Variants in EPC1 observed in about 807,000 individuals in gnomAD.
EPC1 encodes the protein enhancer of polycomb homolog 1.
EPC1 carries 12 observed loss-of-function variants against 98.4 expected under a neutral mutation model. The ratio of observed to expected loss-of-function variants is 0.12; its 90% CI spans 0.08 to 0.20. EPC1 has a LOEUF of 0.20. Ranked by LOEUF, EPC1 falls within the 10% of genes least tolerant of loss-of-function variation. The pLI, the probability that EPC1 is intolerant of heterozygous loss-of-function variation, is 1.00. For missense variants in EPC1, 729 were observed against 990.5 expected (o/e 0.74, Z 3.54); for synonymous variants, 357 against 363.9 (o/e 0.98, Z 0.21).
intron 1 of EPC1, among the ~76,000 whole-genome samples, chr10:32,323,257 T>TC (rs911037932): frequency 2.4e-4 from 36 of 151,896 alleles, no homozygotes; most frequent in African/African-American, 8.0e-4. Context: ...AACCACAAAA[T>TC]CCCCCCCAGT....
chr10:32,345,037 A>G, intron 1 of EPC1: 1 of 644,326 alleles, frequency 1.6e-6, no homozygotes. Flanking sequence ...AGGGCAGGGT[A>G]AAACCAACAC....
At chr10:32,350,597 C>T, upstream of EPC1, among the ~76,000 whole-genome samples, 2 of 152,236 alleles carry the variant, frequency 1.3e-5, no homozygotes, top group East Asian at 3.9e-4. Context: ...GAGACTCCAA[C>T]AACAAGCCAA....
chr10:32,354,008 A>G (rs1341064811), intron 1 of EPC1, among the ~76,000 whole-genome samples: 2 of 152,326 alleles, frequency 1.3e-5, no homozygotes, highest in Middle Eastern at 3.4e-3. Flanking sequence ...GCCTTTCAAT[A>G]TATTTACTAA....
At position 32,318,294 on chromosome 10, in the gene EPC1, T is replaced by C. The variant is rs188473666; in HGVS notation, c.154-12363A>G. On this transcript the variant is annotated intron_variant, in intron 1 of 13. Transcript: ENST00000319778. ...AGCCCCGAGAGCAGTAAAATACAGA[T>C]ACAAATGTGTCTGTTTTTTTCTAAA... 2.2e-3 allele frequency among the ~76,000 whole-genome samples: 329 copies of C among 152,326 alleles called. 2 individuals carry two copies. Among genetic ancestry groups the C allele is most frequent in the African/African-American group, 7.6e-3 (316 of 41,576 alleles).
chr10:32,288,733 G>A (rs568276232), intron 6 of EPC1, among the ~76,000 whole-genome samples: 3 of 152,002 alleles, frequency 2.0e-5, no homozygotes, highest in African/African-American at 7.2e-5. Flanking sequence ...ATAACTGAAG[G>A]ATAACACTAA....
chr10:32,293,745 A>G lies in EPC1; in HGVS notation c.314-8T>C. The G allele has an allele frequency of 1.2e-6, 2 of 1,608,750 alleles. No homozygotes were observed. Among genetic ancestry groups the G allele is most frequent in the Non-Finnish European group, 1.7e-6 (2 of 1,177,220 alleles). ...CAGCATCCAAACTAAAAGCTGACAG[A>G]AGGAACCATATGCAATCATTTACTG... On this transcript the variant is annotated splice_polypyrimidine_tract_variant and splice_region_variant and intron_variant, in intron 2 of 13. Coordinates refer to ENST00000319778, the MANE Select transcript of EPC1 (RefSeq NM_001272004.3).
At position 32,287,180 on chromosome 10, in the gene EPC1, CTCG is replaced by C; in HGVS notation, c.1067_1069del (p.Thr356del). ...ATTGAAGACTGGCAGTGCAGCAGGA[CTCG>C]TCTGTTGGGGAGTAGCAGCGGCAGA... On this transcript the variant is annotated inframe_deletion, in exon 7 of 14. Coordinates refer to ENST00000319778, the MANE Select transcript of EPC1 (RefSeq NM_001272004.3). 2 of 1,614,150 alleles carry C rather than the reference CTCG, an allele frequency of 1.2e-6. No individual in the cohort carries two copies. The highest frequency in any genetic ancestry group is 1.7e-6 in the Non-Finnish European group (2 of 1,180,038).
intron 10 of EPC1, chr10:32,282,606 CA>C (rs753507036): frequency 6.6e-6 from 1 of 152,168 alleles, no homozygotes; most frequent in Non-Finnish European, 1.5e-5. Context: ...GATTTCTTTT[CA>C]GCTAAGCTTT....
chr10:32,361,673 C>G (rs1458700326), intron 1 of EPC1, among the ~76,000 whole-genome samples: 1 of 152,176 alleles, frequency 6.6e-6, no homozygotes. Flanking sequence ...AGCTTCAGAG[C>G]GAAACTCTCA....
chr10:32,377,211 G>C (rs1839888074), intron 1 of EPC1: 1 of 152,116 alleles, frequency 6.6e-6, no homozygotes, highest in South Asian at 2.1e-4. Context: ...TAATTCAGTT[G>C]AAGTATCATT....
At chr10:32,285,895 C>T (rs1172431847) in intron 9 of EPC1, 1 of 151,978 alleles carries the variant, frequency 6.6e-6, no homozygotes, top group African/African-American at 2.4e-5. Flanking sequence ...CTCCTGATGT[C>T]AGCAGTGATG....
chr10:32,288,499 G>A (rs1231307878), intron 6 of EPC1, among the ~76,000 whole-genome samples: 1 of 151,612 alleles, frequency 6.6e-6, no homozygotes, highest in Non-Finnish European at 1.5e-5. Context: ...CCCATTTACA[G>A]CAATTTGCGC....
chr10:32,284,791 T>C lies in EPC1; in HGVS notation c.1651A>G (p.Arg551Gly), dbSNP rs536902970. The C allele has an allele frequency of 2.5e-6, 4 of 1,614,212 alleles. No individual in the cohort carries two copies. In the African/African-American group the frequency reaches 4.0e-5, roughly 16 times the overall value. Residue 551 changes from arginine to glycine, a missense_variant, in exon 10 of 14, where the codon AGG becomes GGG. Coordinates refer to ENST00000319778, the MANE Select transcript of EPC1 (RefSeq NM_001272004.3). ...GCTGTTCCTGTTCGGTTTATACTCC[T>C]ATATAATTTTCTACAGGAGAGTTCA... ...NDELSCRKLY[R>G]SINRTGTAQP...
At chr10:32,297,606 C>T (rs762544604) in intron 2 of EPC1, among the ~76,000 whole-genome samples, 32 of 151,798 alleles carry the variant, frequency 2.1e-4, no homozygotes, top group Non-Finnish European at 4.0e-4. Context: ...TAAATAATAA[C>T]GAGAACTACA....
In EPC1 at chr10:32,284,919, T is replaced by C. The variant is rs1836596070; in HGVS notation, c.1523A>G (p.Lys508Arg). Reference sequence around the variant, plus strand: ...CTGACTGAGGTCTTTAGAGAAAGATTTGTCCGAGGTATTTGTTTCTGAGGT... The same window carrying C: ...CTGACTGAGGTCTTTAGAGAAAGATCTGTCCGAGGTATTTGTTTCTGAGGT... ...ANTSETNTSDKSFSKDLSQIL... is the reference protein window; with the variant it reads ...ANTSETNTSDRSFSKDLSQIL... The change falls in exon 10 of 14, where the codon AAA becomes AGA. Residue 508 changes from lysine to arginine, a missense_variant. This residue lies in a region of EPC1 where 390 missense variants were observed against 438.6 expected (regional missense o/e 0.89). Coordinates refer to ENST00000319778, the MANE Select transcript of EPC1 (RefSeq NM_001272004.3). 2 of 1,614,054 alleles carry C rather than the reference T, an allele frequency of 1.2e-6. No individual in the cohort carries two copies. Among genetic ancestry groups the C allele is most frequent in the Non-Finnish European group, 1.7e-6 (2 of 1,180,042 alleles).
At position 32,286,642 on chromosome 10, in the gene EPC1, A is replaced by G. The variant is rs1005315359; in HGVS notation, c.1391+52T>C. ...TACCTGACTTTAAAAGTTAGATTCAATCACCCTAATGCCTAAAATATCCTT... is the reference window on the plus strand; with the variant it reads ...TACCTGACTTTAAAAGTTAGATTCAGTCACCCTAATGCCTAAAATATCCTT... On this transcript the variant is annotated intron_variant, in intron 9 of 13. Transcript: ENST00000319778. 6 of 1,593,488 alleles carry G rather than the reference A, an allele frequency of 3.8e-6. No homozygotes were observed. In the South Asian group the frequency reaches 5.6e-5, roughly 15 times the overall value.
Position 32,294,508 on chromosome 10 carries a change from T to C in EPC1, c.314-771A>G, listed in dbSNP as rs564231314. Among the ~76,000 whole-genome samples the C allele has an allele frequency of 7.9e-5, 12 of 152,290 alleles. No homozygotes were observed. The East Asian group carries it at 2.3e-3, about 29-fold the overall frequency. On this transcript the variant is annotated intron_variant, in intron 2 of 13. Coordinates refer to ENST00000319778, the MANE Select transcript of EPC1 (RefSeq NM_001272004.3). ...TAATTTTCCACACGTGGAATCACAT[T>C]GGTGCTCAAAAATTTCGAACTGCGG...
In EPC1 at chr10:32,284,873, T is replaced by G; in HGVS notation, c.1569A>C (p.Ser523=). Residue 523 remains serine (S), a synonymous_variant, in exon 10 of 14, where the codon TCA becomes TCC. Coordinates refer to ENST00000319778, the MANE Select transcript of EPC1 (RefSeq NM_001272004.3). ...DLSQILVNIK[S]CRWRHFRPRT... ...GAGGCCTAAAATGCCGCCATCTACA[T>G]GATTTGATATTGACTAGTATCTGAC... is the stretch of plus-strand genomic sequence containing the variant. The G allele has an allele frequency of 6.2e-7, 1 of 1,614,180 alleles. No homozygotes were observed. The highest frequency in any genetic ancestry group is 8.5e-7 in the Non-Finnish European group (1 of 1,180,036).
At chr10:32,289,684 C>T (rs990766805) in intron 6 of EPC1, among the ~76,000 whole-genome samples, 7 of 151,096 alleles carry the variant, frequency 4.6e-5, no homozygotes, top group Non-Finnish European at 5.9e-5. Flanking sequence ...AGTGCAGTGG[C>T]GCGATCTCGG....
Sources: gnomAD v4.1 joint callset for allele counts (sites outside exome capture counted in the v4.1 genomes callset) on GRCh38, gnomAD v4.1.1 for gene constraint, gnomAD v4.1.1 regional missense constraint, MANE v1.5 for transcripts, NCBI Gene and HGNC (gene_info 2026-07-23, HGNC 2026-07-21) for gene names.